Variants in STRBP observed in about 807,000 individuals in gnomAD.
STRBP encodes spermatid perinuclear RNA-binding protein.
A neutral mutation model predicts 80.1 loss-of-function variants in STRBP; 13 were observed. The ratio of observed to expected loss-of-function variants is 0.16; its 90% CI spans 0.11 to 0.26. The LOEUF (loss-of-function observed/expected upper bound fraction) is 0.26. STRBP is among the 10% of genes least tolerant of loss of function. The pLI is 1.00. For synonymous variants in STRBP, 284 were observed against 291.2 expected (o/e 0.98, Z 0.25); for missense variants, 485 against 815.2 (o/e 0.59, Z 4.93).
At chr9:123,236,254 A>T (rs1031707885) in intron 2 of STRBP, among the ~76,000 whole-genome samples, 3 of 152,226 alleles carry the variant, frequency 2.0e-5, no homozygotes, top group African/African-American at 7.2e-5. Context: ...TTCACAATAC[A>T]TGCTACTTAC....
At chr9:123,207,845 T>A (rs539367288) in intron 2 of STRBP, among the ~76,000 whole-genome samples, 58 of 152,310 alleles carry the variant, frequency 3.8e-4, no homozygotes, top group African/African-American at 1.4e-3. Flanking sequence ...CATTAGAATA[T>A]GAGAGAGATA....
At chr9:123,118,275 C>T (rs553528935), downstream of STRBP, among the ~76,000 whole-genome samples, 4 of 152,158 alleles carry the variant, frequency 2.6e-5, no homozygotes, top group Non-Finnish European at 5.9e-5. Context: ...TTCCCCTTCC[C>T]TTCCTACTCC....
At chr9:123,119,133 CT>C (rs1191412980), downstream of STRBP, among the ~76,000 whole-genome samples, 5 of 152,248 alleles carry the variant, frequency 3.3e-5, no homozygotes, top group East Asian at 1.9e-4. Context: ...TATAGGAGTG[CT>C]TTTCACTGAA....
chr9:123,224,538 C>A (rs2040174225), intron 2 of STRBP, among the ~76,000 whole-genome samples: 2 of 152,310 alleles, frequency 1.3e-5, no homozygotes, highest in Middle Eastern at 3.4e-3. Context: ...TTTCACGCAA[C>A]TTTCACGGAG....
chr9:123,264,480 CA>C (rs1275261017), intron 1 of STRBP, among the ~76,000 whole-genome samples: 4 of 152,180 alleles, frequency 2.6e-5, no homozygotes, highest in Non-Finnish European at 5.9e-5. Context: ...AACATTTGAC[CA>C]GTCTAAAAAC....
At position 123,179,102 on chromosome 9, in the gene STRBP, T is replaced by A; in HGVS notation, c.129A>T (p.Lys43Asn). The change falls in exon 4 of 19, where the codon AAA (lysine) becomes AAT (asparagine). Residue 43 changes from lysine to asparagine, a missense_variant. Around this residue, in one of 3 missense-constraint regions of STRBP, gnomAD observed 377 missense variants for 616.1 expected, o/e 0.61. Transcript: ENST00000348403. The part of the protein sequence containing the change: ...NMVSTVECAL[K>N]HVSDWLDETN... ...TTTCATCCAACCAATCTGAGACATG[T>A]TTAAGAGCACATTCAACAGTAGATA... The A allele has an allele frequency of 6.2e-7, 1 of 1,614,156 alleles. No homozygotes were observed. Among genetic ancestry groups the A allele is most frequent in the Non-Finnish European group, 8.5e-7 (1 of 1,180,008 alleles).
chr9:123,155,159 T>C (rs532922569), intron 11 of STRBP, among the ~76,000 whole-genome samples: 8 of 152,254 alleles, frequency 5.3e-5, no homozygotes, highest in Middle Eastern at 3.4e-3. Flanking sequence ...TTGGAGACAG[T>C]GATGAGAACA....
intron 2 of STRBP, among the ~76,000 whole-genome samples, chr9:123,233,637 C>T (rs2040459797): frequency 6.6e-6 from 1 of 152,210 alleles, no homozygotes. Flanking sequence ...CTATACAACT[C>T]TTCCAACTTT....
chr9:123,154,942 A>T (rs2037216632), intron 11 of STRBP, among the ~76,000 whole-genome samples: 1 of 152,236 alleles, frequency 6.6e-6, no homozygotes, highest in African/African-American at 2.4e-5. Flanking sequence ...GAGATACTGC[A>T]GCAGGTTTTT....
At chr9:123,129,362 T>C (rs768537279) in intron 17 of STRBP, among the ~76,000 whole-genome samples, 2 of 152,084 alleles carry the variant, frequency 1.3e-5, no homozygotes, top group Admixed American at 6.6e-5. Flanking sequence ...GTCTCAATAA[T>C]AATAATAATA....
chr9:123,192,934 C>G (rs1431612038), intron 2 of STRBP, among the ~76,000 whole-genome samples: 2 of 152,194 alleles, frequency 1.3e-5, no homozygotes, highest in Admixed American at 6.5e-5. Flanking sequence ...TCTCTCACCA[C>G]CACAGCTCCA....
At chr9:123,135,543 T>G (rs755141985) in intron 16 of STRBP, among the ~76,000 whole-genome samples, 3 of 152,192 alleles carry the variant, frequency 2.0e-5, no homozygotes, top group Non-Finnish European at 4.4e-5. Flanking sequence ...AGCACTGACA[T>G]TCCCAGTGTC....
intron 2 of STRBP, among the ~76,000 whole-genome samples, chr9:123,187,810 T>C (rs1215728960): frequency 1.6e-5 from 2 of 128,736 alleles, no homozygotes; most frequent in Admixed American, 1.0e-4. Flanking sequence ...ATTCTTGACA[T>C]ATTACCTTAG....
chr9:123,198,737 T>C (rs1027867611), intron 2 of STRBP, among the ~76,000 whole-genome samples: 5 of 152,364 alleles, frequency 3.3e-5, no homozygotes, highest in South Asian at 4.1e-4. Context: ...AGGTCTTACA[T>C]TTAAGTCCTT....
Position 123,153,793 on chromosome 9 carries a change from T to A in STRBP, c.1045+4219A>T, listed in dbSNP as rs115464875. Among the ~76,000 whole-genome samples the A allele has an allele frequency of 7.7e-3, 1,172 of 152,234 alleles. 15 individuals are homozygous for A. Among genetic ancestry groups the A allele is most frequent in the African/African-American group, 0.027 (1,102 of 41,534 alleles). On this transcript the variant is annotated intron_variant, in intron 11 of 18. Coordinates refer to ENST00000348403, the MANE Select transcript of STRBP (RefSeq NM_018387.5). ...GGATGGAAGTATTAATTTGGGACAA[T>A]CTTCAGTATAAAAAGGTATTTGAAG... is the stretch of plus-strand genomic sequence containing the variant.
chr9:123,238,388 G>C (rs950792610), intron 1 of STRBP, among the ~76,000 whole-genome samples: 1 of 152,184 alleles, frequency 6.6e-6, no homozygotes, highest in Non-Finnish European at 1.5e-5. Flanking sequence ...CAACCTACTT[G>C]GTGGTGCAAA....
At chr9:123,175,604 T>C (rs933349483) in intron 4 of STRBP, among the ~76,000 whole-genome samples, 1 of 152,256 alleles carries the variant, frequency 6.6e-6, no homozygotes, top group Non-Finnish European at 1.5e-5. Flanking sequence ...AATTGTCTGA[T>C]ATTAACAATA....
chr9:123,170,075 C>T, intron 5 of STRBP, 29 bp from the exon 6 acceptor site: 1 of 1,584,304 alleles, frequency 6.3e-7, no homozygotes, highest in Non-Finnish European at 8.6e-7. Context: ...TCAAAATCAC[C>T]CAGTTAATTA....
intron 1 of STRBP, among the ~76,000 whole-genome samples, chr9:123,245,690 T>C (rs141980825): frequency 2.0e-5 from 3 of 152,348 alleles, no homozygotes; most frequent in East Asian, 3.9e-4. Context: ...CTCAAGCATC[T>C]GTATTTCTTT....
Sources: gnomAD v4.1 joint callset for allele counts (sites outside exome capture counted in the v4.1 genomes callset) on GRCh38, gnomAD v4.1.1 for gene constraint, gnomAD v4.1.1 regional missense constraint, MANE v1.5 for transcripts, NCBI Gene and HGNC (gene_info 2026-07-23, HGNC 2026-07-21) for gene names.